MYOM2: variants seen among roughly 807,000 people sequenced by gnomAD.
MYOM2 encodes the protein myomesin 2.
In MYOM2, 254 loss-of-function variants were observed where a neutral mutation model predicts 187.6. The ratio of observed to expected loss-of-function variants is 1.35; its 90% CI spans 1.22 to 1.50. The LOEUF (loss-of-function observed/expected upper bound fraction) is 1.50. Among genes scored for constraint, MYOM2 ranks in the 40% most tolerant of loss-of-function variants. The pLI is 0.00. For missense variants in MYOM2, 2,796 were observed against 1,924.0 expected (o/e 1.45, Z -8.48); for synonymous variants, 981 against 753.8 (o/e 1.30, Z -4.94).
chr8:2,141,071 T>C (rs1798258142), intron 33 of MYOM2, 70 bp from the exon 34 acceptor site: 2 of 1,480,974 alleles, frequency 1.4e-6, no homozygotes, highest in Non-Finnish European at 9.3e-7. Flanking sequence ...TTCACTGGTA[T>C]AATATTTGAG....
intron 36 of MYOM2, 63 bp downstream of exon 36, chr8:2,143,519 C>T: frequency 6.3e-7 from 1 of 1,596,920 alleles, no homozygotes; most frequent in Non-Finnish European, 8.6e-7. Flanking sequence ...GCAACCCCTT[C>T]TCTTGGGGCG....
intron 28 of MYOM2, among the ~76,000 whole-genome samples, chr8:2,122,481 T>G (rs1029524576): frequency 6.6e-6 from 1 of 152,240 alleles, no homozygotes; most frequent in Non-Finnish European, 1.5e-5. Flanking sequence ...ATGTGGAAAT[T>G]CTAAGCTGTG....
intron 29 of MYOM2, 44 bp from the exon 30 acceptor site, chr8:2,123,511 G>A (rs1331891332): frequency 3.2e-6 from 5 of 1,543,900 alleles, no homozygotes; most frequent in Non-Finnish European, 4.5e-6. Context: ...TTCTAAGATT[G>A]CAGTATTGAC....
intron 1 of MYOM2, among the ~76,000 whole-genome samples, chr8:2,048,288 T>G (rs1818373020): frequency 6.6e-6 from 1 of 152,198 alleles, no homozygotes; most frequent in African/African-American, 2.4e-5. Flanking sequence ...AGCTGAAACG[T>G]CTTCCCCAAC....
In MYOM2 at chr8:2,082,781, C is replaced by T. The variant is rs182782880; in HGVS notation, c.1517-2482C>T. Among the ~76,000 whole-genome samples the T allele has an allele frequency of 2.5e-3, 386 of 152,340 alleles. 3 individuals are homozygous for T. The highest frequency in any genetic ancestry group is 8.9e-3 in the African/African-American group (371 of 41,580). ...TTGGCTGTGCTTTCCTGGGCCGGGG[C>T]ATTTGCAGCCCACATGCTCAGTCAT... On this transcript the variant is annotated intron_variant, in intron 13 of 36. Coordinates refer to ENST00000262113, the MANE Select transcript of MYOM2 (RefSeq NM_003970.4).
intron 35 of MYOM2, 79 bp from the exon 36 acceptor site, chr8:2,143,322 C>A: frequency 6.7e-7 from 1 of 1,500,828 alleles, no homozygotes; most frequent in African/African-American, 1.4e-5. Context: ...ACCTTGGTAC[C>A]CACTGCTGCT....
At position 2,066,176 on chromosome 8, in the gene MYOM2, C is replaced by A. The variant is rs370756536; in HGVS notation, c.654-3102C>A. Among the ~76,000 whole-genome samples, 145 of 152,316 alleles carry A rather than the reference C, an allele frequency of 9.5e-4. 1 individual carries two copies. The highest frequency in any genetic ancestry group is 3.3e-3 in the African/African-American group (136 of 41,566). ...GCCGGGTCACATCCCGTGAGTCCTGCCCTGGTCCAGCAGGGTCACGTGCAG... is the reference window on the plus strand; with the variant it reads ...GCCGGGTCACATCCCGTGAGTCCTGACCTGGTCCAGCAGGGTCACGTGCAG... On this transcript the variant is annotated intron_variant, in intron 6 of 36. Coordinates refer to ENST00000262113, the MANE Select transcript of MYOM2 (RefSeq NM_003970.4).
intron 3 of MYOM2, among the ~76,000 whole-genome samples, chr8:2,056,992 T>G (rs1818688328): frequency 6.6e-6 from 1 of 152,218 alleles, no homozygotes; most frequent in African/African-American, 2.4e-5. Context: ...AGTGGGTGCC[T>G]GTTGTCTTTT....
chr8:2,059,420 T>A (rs539525252), intron 6 of MYOM2, among the ~76,000 whole-genome samples, 175 bp downstream of exon 6: 172 of 152,284 alleles, frequency 1.1e-3, no homozygotes, highest in Non-Finnish European at 1.9e-3. Context: ...TTCCCTTTGT[T>A]TTTCTTTAGT....
chr8:2,071,060 C>G (rs1398278214), intron 8 of MYOM2, among the ~76,000 whole-genome samples: 2 of 152,154 alleles, frequency 1.3e-5, no homozygotes, highest in Non-Finnish European at 2.9e-5. Context: ...CTTGATCTCC[C>G]TGGCTCAAGG....
At position 2,057,691 on chromosome 8, in the gene MYOM2, G is replaced by A. The variant is rs779728497; in HGVS notation, c.471G>A (p.Leu157=). The A allele has an allele frequency of 1.1e-5, 17 of 1,614,120 alleles. No homozygotes were observed. Among genetic ancestry groups the A allele is most frequent in the Non-Finnish European group, 1.4e-5 (17 of 1,180,030 alleles). ...EERISRAPEI[L]VRLRSHTVWE... ...GGATAAGCAGGGCTCCTGAGATCCT[G>A]GTGCGGCTGCGATCCCACACCGTCT... The change falls in exon 5 of 37, where the codon CTG becomes CTA. Residue 157 remains leucine (L), a synonymous_variant. Transcript: ENST00000262113.
At chr8:2,135,823 C>G (rs1044490150) in intron 32 of MYOM2, among the ~76,000 whole-genome samples, 29 of 152,182 alleles carry the variant, frequency 1.9e-4, no homozygotes, top group African/African-American at 7.0e-4. Flanking sequence ...ATTAATTCAG[C>G]GACTAGATAG....
intron 28 of MYOM2, among the ~76,000 whole-genome samples, chr8:2,119,606 C>T (rs994167210): frequency 6.6e-5 from 10 of 152,070 alleles, no homozygotes; most frequent in East Asian, 1.9e-4. Context: ...AGGGGGGATA[C>T]GAGCAGGAGC....
At chr8:2,101,606 A>C (rs532837315) in intron 20 of MYOM2, among the ~76,000 whole-genome samples, 7 of 152,198 alleles carry the variant, frequency 4.6e-5, no homozygotes, top group Non-Finnish European at 7.4e-5. Flanking sequence ...TCACACCAAC[A>C]TGCTGTTTGC....
chr8:2,125,885 G>A (rs1228008699), intron 31 of MYOM2, among the ~76,000 whole-genome samples: 2 of 151,710 alleles, frequency 1.3e-5, no homozygotes, highest in African/African-American at 4.8e-5. Flanking sequence ...CTAAGTGCTG[G>A]GATTACATGC....
intron 1 of MYOM2, among the ~76,000 whole-genome samples, chr8:2,046,943 T>C (rs1219660981): frequency 6.6e-6 from 1 of 152,068 alleles, no homozygotes; most frequent in Non-Finnish European, 1.5e-5. Flanking sequence ...AGATCAGAAA[T>C]CCAGAATGCT....
In MYOM2 at chr8:2,057,652, C is replaced by T; in HGVS notation, c.432C>T (p.His144=). 1 of 1,614,076 alleles carries T rather than the reference C, an allele frequency of 6.2e-7. No individual in the cohort carries two copies. The highest frequency in any genetic ancestry group is 8.5e-7 in the Non-Finnish European group (1 of 1,180,002). ...MMEDKLAWER[H]TFEERISRAP... Reference sequence around the variant, plus strand: ...AGGACAAGCTGGCCTGGGAGAGACACACATTTGAAGAGCGGATAAGCAGGG... The same window carrying T: ...AGGACAAGCTGGCCTGGGAGAGACATACATTTGAAGAGCGGATAAGCAGGG... Residue 144 remains histidine (H), a synonymous_variant, in exon 5 of 37, where the codon CAC becomes CAT. Transcript: ENST00000262113.
intron 1 of MYOM2, among the ~76,000 whole-genome samples, 170 bp downstream of exon 1, chr8:2,045,338 G>T (rs1818277320): frequency 6.6e-6 from 1 of 152,190 alleles, no homozygotes; most frequent in Admixed American, 6.5e-5. Context: ...TTAGTTCTGG[G>T]ATCTGTATTT....
At chr8:2,099,405 TTC>T (rs1186688130) in intron 19 of MYOM2, among the ~76,000 whole-genome samples, 1 of 151,926 alleles carries the variant, frequency 6.6e-6, no homozygotes, top group Non-Finnish European at 1.5e-5. Context: ...CGCGACAGGG[TTC>T]TCATTCGTGG....
Sources: gnomAD v4.1 joint callset for allele counts (sites outside exome capture counted in the v4.1 genomes callset) on GRCh38, gnomAD v4.1.1 for gene constraint, MANE v1.5 for transcripts, NCBI Gene and HGNC (gene_info 2026-07-23, HGNC 2026-07-21) for gene names.